The following ME3 variants were observed in gnomAD, a reference collection of about 807,000 sequenced individuals.
ME3 encodes the protein malic enzyme 3, also known as NADP-dependent malic enzyme, mitochondrial.
Under a neutral mutation model 68.9 loss-of-function variants are expected in ME3, and 48 were observed. That is an observed-to-expected ratio of 0.70 (90% CI 0.55 to 0.89). The LOEUF (loss-of-function observed/expected upper bound fraction) is 0.89, where lower values mean the gene tolerates loss of function less well. ME3 is among the 40% of genes least tolerant of loss of function. The probability of loss-of-function intolerance (pLI) is 0.00; values close to 1 mark genes in which losing one functional copy is unlikely to be tolerated. For synonymous variants in ME3, 320 were observed against 318.8 expected (o/e 1.00, Z -0.04); for missense variants, 675 against 797.4 (o/e 0.85, Z 1.85).
chr11:86,475,874 T>TATATATATAGAGAG, intron 7 of ME3, among the ~76,000 whole-genome samples: 50 of 91,470 alleles, frequency 5.5e-4, no homozygotes, highest in South Asian at 1.2e-3. Context: ...TATATATATA[T>TATATATATAGAGAG]AGAGAGAGAG....
At chr11:86,578,863 A>G (rs1268956006) in intron 2 of ME3, among the ~76,000 whole-genome samples, 2 of 152,126 alleles carry the variant, frequency 1.3e-5, no homozygotes, top group Non-Finnish European at 2.9e-5. Context: ...AAACTTTGCT[A>G]CTCATTAGAA....
At chr11:86,663,136 C>T (rs1490721710) in intron 2 of ME3, among the ~76,000 whole-genome samples, 1 of 152,184 alleles carries the variant, frequency 6.6e-6, no homozygotes, top group Non-Finnish European at 1.5e-5. Flanking sequence ...GACACAGAAT[C>T]AAGACAAAAT....
intron 4 of ME3, among the ~76,000 whole-genome samples, chr11:86,539,907 A>G (rs934512737): frequency 6.6e-6 from 1 of 152,162 alleles, no homozygotes; most frequent in Admixed American, 6.5e-5. Flanking sequence ...GATGAGCTTT[A>G]AAACAAATCT....
intron 4 of ME3, among the ~76,000 whole-genome samples, chr11:86,531,999 A>C (rs1354622042): frequency 6.6e-6 from 1 of 151,944 alleles, no homozygotes; most frequent in Non-Finnish European, 1.5e-5. Context: ...AACCAAAAAA[A>C]AACCAGAAAC....
At chr11:86,577,459 A>G (rs1401732907) in intron 2 of ME3, among the ~76,000 whole-genome samples, 1 of 152,154 alleles carries the variant, frequency 6.6e-6, no homozygotes, top group Non-Finnish European at 1.5e-5. Context: ...TCATTCAACA[A>G]ATGTCGGGGG....
intron 4 of ME3, among the ~76,000 whole-genome samples, chr11:86,555,158 T>G (rs1956867107): frequency 6.6e-6 from 1 of 152,162 alleles, no homozygotes; most frequent in South Asian, 2.1e-4. Flanking sequence ...TACTTGGGCA[T>G]GGAGAACAGA....
intron 2 of ME3, among the ~76,000 whole-genome samples, chr11:86,595,780 C>T (rs1165632629): frequency 6.6e-6 from 1 of 152,328 alleles, no homozygotes; most frequent in Admixed American, 6.5e-5. Flanking sequence ...AAGGCTGGCA[C>T]AGGGTGCAGT....
chr11:86,651,440 A>G (rs1189397461), intron 2 of ME3, among the ~76,000 whole-genome samples: 1 of 152,184 alleles, frequency 6.6e-6, no homozygotes, highest in East Asian at 1.9e-4. Flanking sequence ...GTTCATCAAT[A>G]TCCGCTGTTC....
intron 3 of ME3, among the ~76,000 whole-genome samples, chr11:86,558,843 G>A (rs370819148): frequency 6.6e-6 from 1 of 152,078 alleles, no homozygotes; most frequent in African/African-American, 2.4e-5. Context: ...TTTCCCTATG[G>A]TACTCATCGT....
chr11:86,486,236 C>T (rs2138919869), intron 7 of ME3, among the ~76,000 whole-genome samples: 1 of 152,350 alleles, frequency 6.6e-6, no homozygotes. Flanking sequence ...CCCCATCCTA[C>T]AGTCCATCAT....
chr11:86,615,917 TA>T (rs763928257), intron 2 of ME3, among the ~76,000 whole-genome samples: 12 of 152,128 alleles, frequency 7.9e-5, no homozygotes, highest in African/African-American at 1.9e-4. Context: ...CAATAACAAT[TA>T]AAAAAACTCA....
chr11:86,645,341 T>C (rs1944930894), intron 2 of ME3, among the ~76,000 whole-genome samples: 1 of 152,144 alleles, frequency 6.6e-6, no homozygotes, highest in Admixed American at 6.5e-5. Flanking sequence ...AGCACAGCAG[T>C]CTGAAGTCAA....
rs755930658 is a variant in ME3, at chr11:86,481,867, A to AC, written c.809+5469dup. On this transcript the variant is annotated intron_variant, in intron 7 of 14. Coordinates refer to ENST00000543262, the Ensembl canonical transcript of ME3. ...GGGCAAAGGATAGCACACTGCTGCC[A>AC]CCCCTTATTCCATGCTCAGGGCAGA... Among the ~76,000 whole-genome samples, 30 of 152,224 alleles carry AC rather than the reference A, an allele frequency of 2.0e-4. No individual in the cohort carries two copies. The East Asian group carries it at 5.8e-3, about 29-fold the overall frequency.
chr11:86,464,078 T>C (rs1950358531), intron 8 of ME3: 1 of 448,304 alleles, frequency 2.2e-6, no homozygotes, highest in South Asian at 1.6e-5. Context: ...GATCTATCCC[T>C]GACTCACTTG....
chr11:86,497,974 T>C, exon 6 of ME3: 2 of 1,602,174 alleles, frequency 1.2e-6, no homozygotes, highest in Non-Finnish European at 1.7e-6. Flanking sequence ...TCATTGTTGG[T>C]GCCGACGTCC....
At chr11:86,447,650 G>C (rs1949388600) in intron 11 of ME3, among the ~76,000 whole-genome samples, 1 of 152,076 alleles carries the variant, frequency 6.6e-6, no homozygotes, top group Non-Finnish European at 1.5e-5. Context: ...CTGAGGTCAG[G>C]AGTTTGAGAC....
At chr11:86,447,082 A>G (rs746147933) in exon 12 of ME3, 2 of 1,613,906 alleles carry the variant, frequency 1.2e-6, no homozygotes, top group Non-Finnish European at 1.7e-6. Flanking sequence ...ACCCGGTAGC[A>G]CTTCTCAGCC....
intron 7 of ME3, among the ~76,000 whole-genome samples, chr11:86,468,875 T>A (rs544083143): frequency 3.1e-4 from 47 of 152,216 alleles, no homozygotes; most frequent in Non-Finnish European, 5.1e-4. Context: ...TCTTAATTAA[T>A]CTTCACATCA....
At chr11:86,448,013 G>A in intron 11 of ME3, 137 bp downstream of exon 11, 1 of 625,628 alleles carries the variant, frequency 1.6e-6, no homozygotes, top group Non-Finnish European at 2.9e-6. Flanking sequence ...AAAGTTTGTG[G>A]CATTGAATTG....
Sources: allele counts gnomAD v4.1 joint callset (sites outside exome capture counted in the v4.1 genomes callset), GRCh38; gene constraint gnomAD v4.1.1; transcripts MANE v1.5; gene names NCBI Gene and HGNC (gene_info 2026-07-23, HGNC 2026-07-21).